PATJ: variants seen among roughly 807,000 people sequenced by gnomAD.
PATJ encodes inaD-like protein.
Under a neutral mutation model 224.9 loss-of-function variants are expected in PATJ, and 190 were observed. The ratio of observed to expected loss-of-function variants is 0.84; its 90% CI spans 0.75 to 0.95. The LOEUF is 0.95. Ranked by LOEUF, PATJ falls within the 40% of genes least tolerant of loss-of-function variation. The probability of loss-of-function intolerance (pLI) is 0.00; values close to 1 mark genes in which losing one functional copy is unlikely to be tolerated. For synonymous variants in PATJ, 769 were observed against 820.3 expected (o/e 0.94, Z 1.07); for missense variants, 2,121 against 2,270.3 (o/e 0.93, Z 1.34).
At chr1:61,839,332 A>G (rs912557566) in intron 17 of PATJ, among the ~76,000 whole-genome samples, 4 of 152,122 alleles carry the variant, frequency 2.6e-5, no homozygotes, top group Admixed American at 2.0e-4. Flanking sequence ...TCATGCTTAT[A>G]TGAAAGTTTA....
At chr1:62,117,458 T>A in intron 37 of PATJ, 1 of 1,334,296 alleles carries the variant, frequency 7.5e-7, no homozygotes, top group Non-Finnish European at 9.6e-7. Flanking sequence ...CTTTTCTCTC[T>A]ATTAGTTCTA....
chr1:62,003,390 A>G (rs1017650093), intron 28 of PATJ, among the ~76,000 whole-genome samples: 2 of 152,206 alleles, frequency 1.3e-5, no homozygotes, highest in Non-Finnish European at 2.9e-5. Context: ...TGTGAGCTGC[A>G]TATTACTATT....
intron 21 of PATJ, among the ~76,000 whole-genome samples, chr1:61,879,988 G>A (rs1226015300): frequency 2.6e-5 from 4 of 151,898 alleles, no homozygotes; most frequent in African/African-American, 7.3e-5. Context: ...ACAGGCACAC[G>A]CCACCACACC....
At chr1:62,074,924 A>G (rs1658043653) in intron 31 of PATJ, among the ~76,000 whole-genome samples, 1 of 152,200 alleles carries the variant, frequency 6.6e-6, no homozygotes, top group Non-Finnish European at 1.5e-5. Flanking sequence ...AGATCACAGC[A>G]CTGCACTCCA....
chr1:61,748,780 T>C (rs1478891433), intron 1 of PATJ, among the ~76,000 whole-genome samples: 1 of 151,820 alleles, frequency 6.6e-6, no homozygotes, highest in Non-Finnish European at 1.5e-5. Flanking sequence ...CACCTCAGCC[T>C]GGACTACAGG....
intron 11 of PATJ, 110 bp from the exon 12 acceptor site, chr1:61,801,504 TGAAATGGGA>T (rs1304268343): frequency 5.6e-6 from 3 of 532,388 alleles, no homozygotes; most frequent in African/African-American, 1.9e-5. Context: ...AATAAGGTTG[TGAAATGGGA>T]GAAATGGGAG....
intron 22 of PATJ, among the ~76,000 whole-genome samples, chr1:61,897,393 G>A (rs772900534): frequency 6.6e-6 from 1 of 152,164 alleles, no homozygotes; most frequent in Non-Finnish European, 1.5e-5. Context: ...ATAAAGGCAA[G>A]TTTTTTTCAT....
intron 22 of PATJ, among the ~76,000 whole-genome samples, chr1:61,886,234 G>A (rs182619660): frequency 6.6e-6 from 1 of 152,080 alleles, no homozygotes; most frequent in East Asian, 1.9e-4. Flanking sequence ...ATGAACAGAG[G>A]AAGAAAGGAG....
chr1:61,936,306 A>C (rs1571375750), intron 27 of PATJ, among the ~76,000 whole-genome samples: 3 of 151,368 alleles, frequency 2.0e-5, no homozygotes, highest in Non-Finnish European at 4.4e-5. Context: ...ACCTATCCCA[A>C]ACCTCTCCCC....
At chr1:62,160,822 A>G in intron 43 of PATJ, 86 bp from the exon 44 acceptor site, 3 of 1,431,412 alleles carry the variant, frequency 2.1e-6, no homozygotes, top group Non-Finnish European at 2.9e-6. Flanking sequence ...TAATATGCAC[A>G]CCAGACAGAT....
intron 43 of PATJ, among the ~76,000 whole-genome samples, chr1:62,155,434 C>T (rs1409589539): frequency 1.3e-5 from 2 of 152,098 alleles, no homozygotes; most frequent in African/African-American, 4.8e-5. Context: ...CCAGAACATA[C>T]AGCTAAGAGT....
In PATJ at chr1:62,136,516, G is replaced by A. The variant is rs111278279; in HGVS notation, c.5271+7571G>A. ...GTGTGTGTGTGTTTTTCTGTAATGT[G>A]TCCCCATCTTAAGATGCCAGCTTTC... On this transcript the variant is annotated intron_variant, in intron 41 of 43. Coordinates refer to ENST00000642238, the MANE Select transcript of PATJ (RefSeq NM_001350145.3). Among the ~76,000 whole-genome samples the A allele has an allele frequency of 1.5e-3, 215 of 146,752 alleles. 2 individuals are homozygous for A. The highest frequency in any genetic ancestry group is 5.3e-3 in the African/African-American group (206 of 39,196).
At chr1:62,116,839 AAAAG>A (rs1664493543) in intron 36 of PATJ, among the ~76,000 whole-genome samples, 160 bp downstream of exon 36, 2 of 152,250 alleles carry the variant, frequency 1.3e-5, no homozygotes, top group Non-Finnish European at 2.9e-5. Flanking sequence ...GAATAGCTTT[AAAAG>A]AAAGTTCTGT....
Position 62,156,020 on chromosome 1 carries a change from T to G in PATJ, c.5502+2539T>G, listed in dbSNP as rs1262472466. ...TTGCAGTGAGCCGAGATTGCGCCACTGCACTCCAGCCTGGGTGACAGAGCA... is the reference window on the plus strand; with the variant it reads ...TTGCAGTGAGCCGAGATTGCGCCACGGCACTCCAGCCTGGGTGACAGAGCA... On this transcript the variant is annotated intron_variant, in intron 43 of 43. Transcript: ENST00000642238. Among the ~76,000 whole-genome samples, 4 of 119,870 alleles carry G rather than the reference T, an allele frequency of 3.3e-5. No homozygotes were observed. In the Admixed American group the frequency reaches 4.6e-4, roughly 14 times the overall value. The allele number at this position is 119,870 out of a possible 152,430, so 78.6% of individuals were successfully genotyped here.
rs763348407 is a variant in PATJ, at chr1:61,864,422, A to C, written c.2624A>C (p.Glu875Ala). 3.7e-6 allele frequency: 6 copies of C among 1,613,658 alleles called. No individual in the cohort carries two copies. In the East Asian group the frequency reaches 8.9e-5, roughly 24 times the overall value. ...DEEREILVDE[E>A]YELYQDPSPS... ...GAAAGAGAAATTCTTGTTGATGAAG[A>C]ATATGAGTTATATCAAGATCCCTCA... Residue 875 changes from glutamate (E) to alanine (A), a missense_variant, in exon 20 of 44, where the codon GAA (glutamate) becomes GCA (alanine). By Grantham distance (107) the Glu-to-Ala change is moderately radical. Coordinates refer to ENST00000642238, the MANE Select transcript of PATJ (RefSeq NM_001350145.3).
chr1:61,966,686 CAAAA>C (rs200855600), intron 27 of PATJ, among the ~76,000 whole-genome samples: 3 of 86,382 alleles, frequency 3.5e-5, no homozygotes, highest in African/African-American at 4.0e-5. Flanking sequence ...GACTTCATCT[CAAAA>C]AAAAAAAAAA....
intron 29 of PATJ, among the ~76,000 whole-genome samples, chr1:62,021,886 T>A (rs1647104104): frequency 6.6e-6 from 1 of 152,248 alleles, no homozygotes; most frequent in Non-Finnish European, 1.5e-5. Flanking sequence ...GCATAACTTG[T>A]ACTGTGTTAT....
chr1:62,040,825 C>G (rs1270032067), intron 30 of PATJ, among the ~76,000 whole-genome samples: 3 of 152,110 alleles, frequency 2.0e-5, no homozygotes, highest in Non-Finnish European at 4.4e-5. Flanking sequence ...ATCCATTTGG[C>G]TATTTAGGGG....
intron 28 of PATJ, among the ~76,000 whole-genome samples, chr1:62,001,404 A>G (rs1157450893): frequency 6.8e-6 from 1 of 148,128 alleles, no homozygotes; most frequent in Non-Finnish European, 1.5e-5. Context: ...AGCTTTCTAC[A>G]TATGGCTAGC....
Sources: gnomAD v4.1 joint callset for allele counts (sites outside exome capture counted in the v4.1 genomes callset) on GRCh38, gnomAD v4.1.1 for gene constraint, MANE v1.5 for transcripts, NCBI Gene and HGNC (gene_info 2026-07-23, HGNC 2026-07-21) for gene names.